Variants in SHISA9 observed in about 807,000 individuals in gnomAD.
SHISA9 encodes protein shisa-9.
Under a neutral mutation model 38.0 loss-of-function variants are expected in SHISA9, and 13 were observed. That is an observed-to-expected ratio of 0.34 (90% confidence interval 0.22 to 0.54). The LOEUF (loss-of-function observed/expected upper bound fraction) is 0.54, where lower values mean the gene tolerates loss of function less well. Among genes scored for constraint, SHISA9 ranks in the 20% least tolerant of loss-of-function variants. The pLI is 0.91. For synonymous variants in SHISA9, 275 were observed against 242.0 expected (o/e 1.14, Z -1.27); for missense variants, 538 against 575.8 (o/e 0.93, Z 0.67).
chr16:13,275,106 G>T, the SHISA9 span, among the ~76,000 whole-genome samples: 1 of 152,094 alleles, frequency 6.6e-6, no homozygotes, highest in Non-Finnish European at 1.5e-5. Flanking sequence ...CGTGAGATTG[G>T]GTAATAAAGA....
chr16:13,422,849 T>G, the SHISA9 span, among the ~76,000 whole-genome samples: 1 of 152,238 alleles, frequency 6.6e-6, no homozygotes, highest in South Asian at 2.1e-4. Flanking sequence ...CCCAACTTTG[T>G]GTCTCCATTT....
intron 2 of SHISA9, among the ~76,000 whole-genome samples, chr16:12,999,133 C>T (rs901355639): frequency 6.6e-6 from 1 of 152,158 alleles, no homozygotes; most frequent in African/African-American, 2.4e-5. Flanking sequence ...GCTTACCTAA[C>T]CTGTATTTTC....
chr16:13,183,521 C>T (rs1468183087), intron 2 of SHISA9, among the ~76,000 whole-genome samples: 1 of 152,206 alleles, frequency 6.6e-6, no homozygotes, highest in Non-Finnish European at 1.5e-5. Context: ...TTACCTTCAT[C>T]CTTGTAGTTT....
At chr16:13,547,717 G>A in the SHISA9 span, among the ~76,000 whole-genome samples, 1 of 151,980 alleles carries the variant, frequency 6.6e-6, no homozygotes, top group Non-Finnish European at 1.5e-5. Flanking sequence ...GAAAATTTAA[G>A]GGAACACAAA....
At chr16:13,125,250 G>A (rs943146235) in intron 2 of SHISA9, among the ~76,000 whole-genome samples, 2 of 151,896 alleles carry the variant, frequency 1.3e-5, no homozygotes, top group African/African-American at 2.4e-5. Flanking sequence ...AATATATAAG[G>A]AGCACAAACA....
At chr16:13,551,084 A>C in the SHISA9 span, among the ~76,000 whole-genome samples, 12 of 150,976 alleles carry the variant, frequency 7.9e-5, no homozygotes, top group Non-Finnish European at 1.8e-4. Flanking sequence ...AGATCACGCC[A>C]CTGCACTCCA....
At chr16:13,127,793 C>T (rs1191256792) in intron 2 of SHISA9, among the ~76,000 whole-genome samples, 3 of 152,058 alleles carry the variant, frequency 2.0e-5, no homozygotes, top group African/African-American at 7.2e-5. Flanking sequence ...GGGATTAAGC[C>T]ATAAAATCAC....
intron 2 of SHISA9, among the ~76,000 whole-genome samples, chr16:13,136,729 A>G (rs917749022): frequency 6.6e-6 from 1 of 152,100 alleles, no homozygotes; most frequent in East Asian, 1.9e-4. Context: ...TAGTCTGATC[A>G]CTTCACCTGA....
intron 2 of SHISA9, among the ~76,000 whole-genome samples, chr16:13,097,419 A>G (rs1306771022): frequency 9.0e-5 from 13 of 144,946 alleles, no homozygotes; most frequent in Admixed American, 2.1e-4. Context: ...TTGTCTGATC[A>G]GTATTTTTTT....
At chr16:13,430,401 A>C in the SHISA9 span, among the ~76,000 whole-genome samples, 1 of 152,138 alleles carries the variant, frequency 6.6e-6, no homozygotes, top group Admixed American at 6.5e-5. Context: ...GAATCTGATG[A>C]TTTGCAAACT....
intron 2 of SHISA9, among the ~76,000 whole-genome samples, chr16:13,069,301 GTA>G (rs1416930507): frequency 1.3e-5 from 2 of 151,778 alleles, no homozygotes; most frequent in Admixed American, 6.6e-5. Flanking sequence ...GTATGCGTGT[GTA>G]TATGTGTATA....
chr16:12,966,549 C>G (rs2071981157), intron 2 of SHISA9, among the ~76,000 whole-genome samples: 5 of 152,140 alleles, frequency 3.3e-5, no homozygotes, highest in Admixed American at 3.3e-4. Context: ...GCCACTGTGC[C>G]CAGCAGTGCT....
chr16:13,428,432 A>G, the SHISA9 span, among the ~76,000 whole-genome samples: 34 of 152,320 alleles, frequency 2.2e-4, no homozygotes, highest in Non-Finnish European at 4.1e-4. Flanking sequence ...ATTGACCAAG[A>G]GCTCAAAAAA....
At chr16:13,128,211 C>A (rs1490171219) in intron 2 of SHISA9, among the ~76,000 whole-genome samples, 2 of 152,082 alleles carry the variant, frequency 1.3e-5, no homozygotes, top group African/African-American at 2.4e-5. Flanking sequence ...AAAAGGCTCT[C>A]CTGGGTGAAG....
intron 2 of SHISA9, among the ~76,000 whole-genome samples, chr16:13,017,946 C>A (rs1403043564): frequency 1.3e-5 from 2 of 152,224 alleles, no homozygotes; most frequent in Admixed American, 1.3e-4. Context: ...CCCCTCCCAC[C>A]TGTATTCCCT....
chr16:13,522,503 C>A, the SHISA9 span, among the ~76,000 whole-genome samples: 7 of 152,094 alleles, frequency 4.6e-5, no homozygotes, highest in Non-Finnish European at 1.0e-4. Flanking sequence ...GGAGTCCCCC[C>A]CCGATTTCCT....
At chr16:13,227,835 G>A (rs2051294192) in intron 4 of SHISA9, among the ~76,000 whole-genome samples, 1 of 152,186 alleles carries the variant, frequency 6.6e-6, no homozygotes, top group Non-Finnish European at 1.5e-5. Context: ...ATGGTGGGTG[G>A]AAGAAGGAAA....
chr16:13,204,198 ATCTG>A (rs56691123), intron 3 of SHISA9, among the ~76,000 whole-genome samples: 12,396 of 140,616 alleles, frequency 0.088, 547 homozygotes, highest in Middle Eastern at 0.11. Flanking sequence ...TCTACCTATT[ATCTG>A]TCTGTCTGTC....
At chr16:13,215,726 G>T (rs1038613015) in intron 4 of SHISA9, among the ~76,000 whole-genome samples, 1 of 146,330 alleles carries the variant, frequency 6.8e-6, no homozygotes, top group Non-Finnish European at 1.6e-5. Context: ...CTGCCTTGTC[G>T]GGGGAGAGGA....
Sources: gnomAD v4.1 joint callset for allele counts (sites outside exome capture counted in the v4.1 genomes callset) on GRCh38, gnomAD v4.1.1 for gene constraint, MANE v1.5 for transcripts, NCBI Gene and HGNC (gene_info 2026-07-23, HGNC 2026-07-21) for gene names.